Variants in STXBP5L observed in about 807,000 individuals in gnomAD.
STXBP5L encodes syntaxin binding protein 5L.
A neutral mutation model predicts 144.5 loss-of-function variants in STXBP5L; 65 were observed. The ratio of observed to expected loss-of-function variants is 0.45; its 90% CI spans 0.37 to 0.55. The LOEUF (loss-of-function observed/expected upper bound fraction) is 0.55, where lower values mean the gene tolerates loss of function less well. STXBP5L is among the 20% of genes least tolerant of loss of function. STXBP5L has a pLI of 0.00. For missense variants in STXBP5L, 1,298 were observed against 1,405.5 expected, an observed-to-expected ratio of 0.92 and a Z score of 1.22; for synonymous variants, 505 against 469.6, an observed-to-expected ratio of 1.08 and a Z score of -0.97.
At chr3:121,138,232 T>G (rs896325226) in intron 7 of STXBP5L, among the ~76,000 whole-genome samples, 1 of 151,928 alleles carries the variant, frequency 6.6e-6, no homozygotes, top group Non-Finnish European at 1.5e-5. Flanking sequence ...ACATTGGAAA[T>G]TATAAGACAT....
rs145703750 is a variant in STXBP5L at position 121,354,508 on chromosome 3, C to CTTTTTT, written c.2177-24192_2177-24187dup. On this transcript the variant is annotated intron_variant, in intron 20 of 26. Transcript: ENST00000471454. ...GTCAGAGGCTAGAATTGCAACCCTG[C>CTTTTTT]TTTTTTTTTTTTTTTTTTTTTGCTC... is the stretch of plus-strand genomic sequence containing the variant. 1.8e-3 allele frequency among the ~76,000 whole-genome samples: 124 copies of CTTTTTT among 67,534 alleles called. 4 individuals carry two copies. The highest frequency in any genetic ancestry group is 3.7e-3 in the South Asian group (5 of 1,334). The allele number at this position is 67,534 out of a possible 152,430, so 44.3% of individuals were successfully genotyped here. A position where few individuals can be genotyped will look rare whatever the true frequency, so the allele number is the denominator to read the frequency against.
chr3:121,061,149 C>T (rs549063673), intron 5 of STXBP5L, among the ~76,000 whole-genome samples: 6 of 152,274 alleles, frequency 3.9e-5, no homozygotes, highest in African/African-American at 1.4e-4. Context: ...TTAGCTGTGT[C>T]CCAGAGATTC....
Position 121,303,313 on chromosome 3 carries a change from C to G in STXBP5L, c.2111-15162C>G, listed in dbSNP as rs553185429. 1.4e-4 allele frequency among the ~76,000 whole-genome samples: 22 copies of G among 152,230 alleles called. No individual in the cohort carries two copies. In the South Asian group the frequency reaches 1.5e-3, roughly 10 times the overall value. On this transcript the variant is annotated intron_variant, in intron 19 of 26. Transcript: ENST00000471454. ...CACTGGCCATCAGAGAAATGCAAAT[C>G]AAAACCACAATGAGATACCATCTCA...
intron 2 of STXBP5L, among the ~76,000 whole-genome samples, chr3:120,919,056 A>G (rs2107577310): frequency 6.6e-6 from 1 of 152,260 alleles, no homozygotes; most frequent in Admixed American, 6.5e-5. Context: ...TTGTGATGCT[A>G]CTATAGGATA....
chr3:121,273,987 A>G (rs1221190719), intron 18 of STXBP5L, among the ~76,000 whole-genome samples: 2 of 152,088 alleles, frequency 1.3e-5, no homozygotes, highest in Non-Finnish European at 2.9e-5. Flanking sequence ...GCTCAGCTTG[A>G]GCTTCCTTAA....
intron 24 of STXBP5L, among the ~76,000 whole-genome samples, chr3:121,414,767 T>C (rs541539686): frequency 6.6e-6 from 1 of 152,338 alleles, no homozygotes; most frequent in Admixed American, 6.5e-5. Flanking sequence ...AGGAATCTAT[T>C]ATAGCATTTA....
At chr3:121,160,687 T>A (rs988191181) in intron 9 of STXBP5L, among the ~76,000 whole-genome samples, 1 of 152,174 alleles carries the variant, frequency 6.6e-6, no homozygotes, top group African/African-American at 2.4e-5. Context: ...TCTATTAATA[T>A]TAAATGTAAG....
Position 121,419,113 on chromosome 3 carries a change from T to C in STXBP5L, c.*16T>C. ...CCAATTCTGACTTCTAAAGAAGCTG[T>C]GACTGCTTTGAGAAACCATATTCAG... On this transcript the variant is annotated 3_prime_UTR_variant, in exon 27 of 27. Transcript: ENST00000471454. 6.2e-7 allele frequency: 1 copy of C among 1,608,712 alleles called. No individual in the cohort carries two copies. The highest frequency in any genetic ancestry group is 8.5e-7 in the Non-Finnish European group (1 of 1,178,056).
At chr3:121,351,941 A>G (rs562691749) in intron 20 of STXBP5L, among the ~76,000 whole-genome samples, 4 of 152,264 alleles carry the variant, frequency 2.6e-5, no homozygotes, top group Admixed American at 2.6e-4. Flanking sequence ...TAAATAGGGA[A>G]TCCTTTCCCC....
At chr3:121,213,727 T>C (rs1002368122) in intron 10 of STXBP5L, among the ~76,000 whole-genome samples, 4 of 152,198 alleles carry the variant, frequency 2.6e-5, no homozygotes, top group Non-Finnish European at 5.9e-5. Context: ...CCTGGCCTCA[T>C]AAAAAGAGTT....
chr3:121,355,746 A>G (rs192160972), intron 20 of STXBP5L, among the ~76,000 whole-genome samples: 42 of 152,246 alleles, frequency 2.8e-4, no homozygotes, highest in African/African-American at 9.6e-4. Flanking sequence ...AGGAGCTGCA[A>G]TCCTTGGGAG....
chr3:121,396,724 T>C (rs560962423), intron 22 of STXBP5L, among the ~76,000 whole-genome samples: 1 of 152,368 alleles, frequency 6.6e-6, no homozygotes, highest in South Asian at 2.1e-4. Context: ...ATGGGTTAAA[T>C]TGTGAAAGTG....
rs1424625708 is a variant in STXBP5L, at chr3:121,407,414, T to C, written c.2759T>C (p.Ile920Thr). 2.5e-6 allele frequency: 4 copies of C among 1,613,090 alleles called. No individual in the cohort carries two copies. The South Asian group carries it at 3.3e-5, about 13-fold the overall frequency. Residue 920 changes from isoleucine to threonine, a missense_variant, in exon 23 of 27, where the codon ATA (isoleucine) becomes ACA (threonine). Transcript: ENST00000471454. ...VMNSSSASQEIGDHQYTIICS... is the reference protein window; with the variant it reads ...VMNSSSASQETGDHQYTIICS... Reference sequence around the variant, plus strand: ...AACTCATCTTCTGCATCCCAAGAAATAGGAGATCATCAGTATACAATAATC... The same window carrying C: ...AACTCATCTTCTGCATCCCAAGAAACAGGAGATCATCAGTATACAATAATC...
chr3:121,288,122 G>A (rs547378044), intron 19 of STXBP5L, among the ~76,000 whole-genome samples: 1 of 152,290 alleles, frequency 6.6e-6, no homozygotes, highest in African/African-American at 2.4e-5. Context: ...AGTTAGCTTA[G>A]AATAATGGCC....
chr3:120,959,216 G>T (rs565893518), intron 3 of STXBP5L, among the ~76,000 whole-genome samples: 1 of 152,134 alleles, frequency 6.6e-6, no homozygotes, highest in African/African-American at 2.4e-5. Flanking sequence ...ACCTCTTCAA[G>T]GAGAACTACA....
intron 18 of STXBP5L, among the ~76,000 whole-genome samples, chr3:121,260,155 G>A (rs1239592270): frequency 3.3e-5 from 5 of 152,018 alleles, no homozygotes; most frequent in Non-Finnish European, 7.4e-5. Flanking sequence ...GTAAAGAGTA[G>A]TATGTTATTA....
chr3:121,297,391 G>A (rs557368589), intron 19 of STXBP5L, among the ~76,000 whole-genome samples: 175 of 152,226 alleles, frequency 1.1e-3, no homozygotes, highest in Admixed American at 1.9e-3. Flanking sequence ...AAAGTCAGTC[G>A]AAGCAGATCC....
At chr3:121,122,115 A>G (rs1365278318) in intron 7 of STXBP5L, among the ~76,000 whole-genome samples, 1 of 151,182 alleles carries the variant, frequency 6.6e-6, no homozygotes, top group East Asian at 1.9e-4. Context: ...TAATATATAA[A>G]ATGTTATCAG....
chr3:121,044,875 A>T (rs189071489), intron 4 of STXBP5L, among the ~76,000 whole-genome samples: 1 of 152,198 alleles, frequency 6.6e-6, no homozygotes, highest in East Asian at 1.9e-4. Context: ...CTAGTTGGAG[A>T]AATGTTTTCT....
Sources: allele counts gnomAD v4.1 joint callset (sites outside exome capture counted in the v4.1 genomes callset), GRCh38; gene constraint gnomAD v4.1.1; transcripts MANE v1.5; gene names NCBI Gene and HGNC (gene_info 2026-07-23, HGNC 2026-07-21).